Variants in TBC1D5 observed in about 807,000 individuals in gnomAD.
The protein encoded by TBC1D5 is TBC1 domain family, member 5.
Under a neutral mutation model 100.3 loss-of-function variants are expected in TBC1D5, and 75 were observed. That is an observed-to-expected ratio of 0.75 (90% CI 0.62 to 0.91). The LOEUF (loss-of-function observed/expected upper bound fraction) is 0.91. TBC1D5 is among the 40% of genes least tolerant of loss of function. The pLI is 0.00. For synonymous variants in TBC1D5, 323 were observed against 325.6 expected, an observed-to-expected ratio of 0.99 and a Z score of 0.09; for missense variants, 910 against 942.4, an observed-to-expected ratio of 0.97 and a Z score of 0.45.
chr3:17,261,277 T>C lies in TBC1D5; in HGVS notation c.1246-2686A>G, dbSNP rs367775617. Among the ~76,000 whole-genome samples the C allele has an allele frequency of 8.0e-4, 122 of 152,220 alleles. 7 individuals carry two copies. In the South Asian group the frequency reaches 0.021, roughly 27 times the overall value. On this transcript the variant is annotated intron_variant, in intron 15 of 21. Coordinates refer to ENST00000253692, the Ensembl canonical transcript of TBC1D5. ...AAACAACAACCAAAACAAAACCAAA[T>C]TGAAACTAGGTAACAGGTTCAAATC... is the stretch of plus-strand genomic sequence containing the variant.
Position 17,403,260 on chromosome 3 carries a change from A to C in TBC1D5, c.442-12T>G, listed in dbSNP as rs1327028510. 1 of 1,570,324 alleles carries C rather than the reference A, an allele frequency of 6.4e-7. No homozygotes were observed. Among genetic ancestry groups the C allele is most frequent in the Non-Finnish European group, 8.7e-7 (1 of 1,150,910 alleles). On this transcript the variant is annotated splice_polypyrimidine_tract_variant and intron_variant, in intron 7 of 21. Transcript: ENST00000253692. ...TTGTTCCAAAGACTCTGAAATAAGGAAAACAATCTATTATATAGTCTCACA... is the reference window on the plus strand; with the variant it reads ...TTGTTCCAAAGACTCTGAAATAAGGCAAACAATCTATTATATAGTCTCACA...
chr3:17,336,196 C>A (rs1486329151), intron 13 of TBC1D5, among the ~76,000 whole-genome samples: 1 of 152,008 alleles, frequency 6.6e-6, no homozygotes, highest in African/African-American at 2.4e-5. Flanking sequence ...AAAGAGGATG[C>A]AAGCCTACAG....
rs772863921 is a variant in TBC1D5, at chr3:17,404,938, T to C, written c.300A>G (p.Gln100=). The change falls in exon 6 of 22, where the codon CAA becomes CAG. Residue 100 remains glutamine (Q), a synonymous_variant. Transcript: ENST00000253692. ...TTCTACTTATCCATTGACTTTTGTC[T>C]TGAGGAAGAACACAAAGAAATAGCT... The C allele has an allele frequency of 8.8e-6, 14 of 1,598,154 alleles. No homozygotes were observed. The Admixed American group carries it at 2.4e-4, about 27-fold the overall frequency.
chr3:17,536,010 T>A (rs919199735), intron 2 of TBC1D5, among the ~76,000 whole-genome samples: 7 of 152,206 alleles, frequency 4.6e-5, no homozygotes, highest in African/African-American at 9.6e-5. Context: ...TATTTTCAGA[T>A]ATGTAAAAAT....
At chr3:17,496,243 T>C (rs1341779188) in intron 3 of TBC1D5, among the ~76,000 whole-genome samples, 4 of 152,242 alleles carry the variant, frequency 2.6e-5, no homozygotes, top group Non-Finnish European at 5.9e-5. Flanking sequence ...ATTGTTAAAG[T>C]AAATTACTCA....
chr3:17,178,682 T>C (rs1334414273), intron 19 of TBC1D5, among the ~76,000 whole-genome samples: 1 of 152,200 alleles, frequency 6.6e-6, no homozygotes, highest in African/African-American at 2.4e-5. Context: ...AGATAGGGTC[T>C]TGCTCTCTCA....
At chr3:17,168,824 C>A (rs1302016320) in intron 19 of TBC1D5, among the ~76,000 whole-genome samples, 1 of 152,192 alleles carries the variant, frequency 6.6e-6, no homozygotes, top group East Asian at 1.9e-4. Flanking sequence ...GTCTTCCATG[C>A]TACATTCTTA....
In TBC1D5 at chr3:17,422,752, A is replaced by G. The variant is rs1357267849; in HGVS notation, c.167+5698T>C. ...GATATTTCCCGCATCCTCCAAAATT[A>G]TTGATTATATGCAAATAAGATACAT... On this transcript the variant is annotated intron_variant, in intron 4 of 21. Transcript: ENST00000253692. 2.0e-5 allele frequency among the ~76,000 whole-genome samples: 3 copies of G among 152,210 alleles called. No individual in the cohort carries two copies. In the East Asian group the frequency reaches 5.8e-4, roughly 29 times the overall value.
chr3:17,404,736 T>G, exon 7 of TBC1D5: 1 of 1,608,430 alleles, frequency 6.2e-7, no homozygotes, highest in Middle Eastern at 1.7e-4. Flanking sequence ...TCAAATCTTG[T>G]TGGCCAACAA....
At chr3:17,211,587 G>A (rs2072993682) in intron 18 of TBC1D5, among the ~76,000 whole-genome samples, 2 of 152,282 alleles carry the variant, frequency 1.3e-5, no homozygotes, top group Admixed American at 1.3e-4. Context: ...TTCACTTGCA[G>A]CTCCTGAGCT....
chr3:17,710,302 C>T (rs2074585985), intron 1 of TBC1D5, among the ~76,000 whole-genome samples: 1 of 152,100 alleles, frequency 6.6e-6, no homozygotes, highest in Non-Finnish European at 1.5e-5. Flanking sequence ...TGGTGGCTCA[C>T]ACCTGTAATC....
At chr3:17,482,750 C>G (rs928318915) in intron 3 of TBC1D5, among the ~76,000 whole-genome samples, 6 of 152,106 alleles carry the variant, frequency 3.9e-5, no homozygotes, top group Admixed American at 2.0e-4. Flanking sequence ...TTTTATATGG[C>G]TATTTTTTCA....
At chr3:17,522,558 A>C (rs1486222855) in intron 2 of TBC1D5, among the ~76,000 whole-genome samples, 1 of 152,132 alleles carries the variant, frequency 6.6e-6, no homozygotes, top group Non-Finnish European at 1.5e-5. Flanking sequence ...TGAATACTAA[A>C]AAACAAAACA....
intron 3 of TBC1D5, among the ~76,000 whole-genome samples, chr3:17,497,121 CACACACACACACACA>C (rs2095718978): frequency 6.6e-6 from 1 of 151,622 alleles, no homozygotes; most frequent in African/African-American, 2.4e-5. Flanking sequence ...CACACACACA[CACACACACACACACA>C]CCATCCTTGT....
At chr3:17,587,432 A>G (rs1426986208) in intron 2 of TBC1D5, among the ~76,000 whole-genome samples, 1 of 152,048 alleles carries the variant, frequency 6.6e-6, no homozygotes, top group Non-Finnish European at 1.5e-5. Context: ...ACTGAAAAAC[A>G]TGACAACAGA....
rs770880168 is a variant in TBC1D5 at position 17,508,486 on chromosome 3, TAG to T, written c.83_84del (p.Ser28Ter). The T allele has an allele frequency of 6.2e-7, 1 of 1,613,402 alleles. No homozygotes were observed. The highest frequency in any genetic ancestry group is 1.7e-5 in the Admixed American group (1 of 59,996). On this transcript the variant is annotated frameshift_variant, in exon 3 of 22. Coordinates refer to ENST00000253692, the Ensembl canonical transcript of TBC1D5. LOFTEE classifies it high-confidence loss of function. The stretch of plus-strand genomic sequence containing the variant: ...ATACAAAACTCACCTCCAGACTTGT[TAG>T]AGTAACTGGACAAGGGGTCAATGCC...
chr3:17,394,305 C>T (rs1351821994), intron 8 of TBC1D5, among the ~76,000 whole-genome samples: 1 of 152,066 alleles, frequency 6.6e-6, no homozygotes, highest in Non-Finnish European at 1.5e-5. Context: ...ATTTAATAAA[C>T]ATTTCTTGAA....
At chr3:17,674,922 T>G (rs2068429148) in intron 1 of TBC1D5, among the ~76,000 whole-genome samples, 1 of 152,062 alleles carries the variant, frequency 6.6e-6, no homozygotes, top group Non-Finnish European at 1.5e-5. Flanking sequence ...AAATGAATGT[T>G]GAATTTAAAT....
At chr3:17,613,666 T>G (rs2061874846) in intron 2 of TBC1D5, among the ~76,000 whole-genome samples, 1 of 152,378 alleles carries the variant, frequency 6.6e-6, no homozygotes, top group African/African-American at 2.4e-5. Context: ...ATGTTTCTGT[T>G]GGCTGCATAA....
Sources: allele counts gnomAD v4.1 joint callset (sites outside exome capture counted in the v4.1 genomes callset), GRCh38; gene constraint gnomAD v4.1.1; transcripts MANE v1.5; gene names NCBI Gene and HGNC (gene_info 2026-07-23, HGNC 2026-07-21).